FSTL5: variants seen among roughly 807,000 people sequenced by gnomAD.
FSTL5 encodes follistatin-related protein 5.
Under a neutral mutation model 89.1 loss-of-function variants are expected in FSTL5, and 62 were observed. The ratio of observed to expected loss-of-function variants is 0.70; its 90% confidence interval spans 0.57 to 0.86. FSTL5 has a LOEUF of 0.86. Ranked by LOEUF, FSTL5 falls within the 40% of genes least tolerant of loss-of-function variation. The pLI, the probability that FSTL5 is intolerant of heterozygous loss-of-function variation, is 0.00. For missense variants in FSTL5, 1,057 were observed against 1,001.6 expected, an observed-to-expected ratio of 1.06 and a Z score of -0.75; for synonymous variants, 383 against 346.2, an observed-to-expected ratio of 1.11 and a Z score of -1.18.
intron 10 of FSTL5, among the ~76,000 whole-genome samples, chr4:161,535,930 T>C (rs2126536638): frequency 6.6e-6 from 1 of 152,204 alleles, no homozygotes; most frequent in South Asian, 2.1e-4. Flanking sequence ...AATCATAGTC[T>C]TTGAAACAAA....
intron 3 of FSTL5, among the ~76,000 whole-genome samples, chr4:161,972,650 C>T (rs1055844363): frequency 3.3e-5 from 5 of 152,094 alleles, no homozygotes; most frequent in African/African-American, 9.7e-5. Context: ...CCTTCTTTGC[C>T]GGTTGCAGTT....
chr4:161,721,579 G>A (rs1382174884), intron 6 of FSTL5, among the ~76,000 whole-genome samples: 2 of 152,056 alleles, frequency 1.3e-5, no homozygotes, highest in Non-Finnish European at 2.9e-5. Flanking sequence ...TCAGATTGAG[G>A]CAGAAAGTAG....
chr4:161,583,968 C>T (rs1285234385), intron 8 of FSTL5, among the ~76,000 whole-genome samples: 5 of 152,036 alleles, frequency 3.3e-5, no homozygotes, highest in Non-Finnish European at 7.4e-5. Flanking sequence ...ACTTATTTAA[C>T]TTCTTCTCTC....
chr4:161,541,983 G>A (rs1731833256), intron 9 of FSTL5, among the ~76,000 whole-genome samples: 1 of 151,604 alleles, frequency 6.6e-6, no homozygotes, highest in Non-Finnish European at 1.5e-5. Flanking sequence ...ATTTATTCAT[G>A]TCTACACATT....
At chr4:162,065,640 A>C (rs967318662) in intron 2 of FSTL5, among the ~76,000 whole-genome samples, 1 of 152,034 alleles carries the variant, frequency 6.6e-6, no homozygotes, top group Non-Finnish European at 1.5e-5. Context: ...GCCATTATAG[A>C]AAAAGGTGTG....
intron 15 of FSTL5, among the ~76,000 whole-genome samples, chr4:161,389,605 C>A (rs151270983): frequency 6.6e-6 from 1 of 152,178 alleles, no homozygotes; most frequent in East Asian, 1.9e-4. Flanking sequence ...TTTTCATGAT[C>A]CAGATTTTCA....
intron 13 of FSTL5, among the ~76,000 whole-genome samples, chr4:161,467,012 A>T (rs985771145): frequency 6.6e-6 from 1 of 152,122 alleles, no homozygotes; most frequent in Non-Finnish European, 1.5e-5. Context: ...AACATGCAAA[A>T]ATCAGAAATA....
At chr4:161,456,391 T>A (rs906123330) in intron 14 of FSTL5, among the ~76,000 whole-genome samples, 3 of 152,180 alleles carry the variant, frequency 2.0e-5, no homozygotes. Flanking sequence ...CTAGTCTCTA[T>A]TAATTATAAA....
At chr4:161,413,302 C>A (rs1731662216) in intron 15 of FSTL5, among the ~76,000 whole-genome samples, 1 of 109,292 alleles carries the variant, frequency 9.1e-6, no homozygotes, top group African/African-American at 3.5e-5. Flanking sequence ...CACAAGTGGC[C>A]AAGAAGCATA....
chr4:162,113,978 C>A (rs1270958886), intron 1 of FSTL5, among the ~76,000 whole-genome samples: 2 of 151,990 alleles, frequency 1.3e-5, no homozygotes, highest in Non-Finnish European at 2.9e-5. Context: ...TTTTTGTTTT[C>A]TTCAGCATTA....
chr4:161,995,825 C>T (rs565473505), intron 3 of FSTL5, among the ~76,000 whole-genome samples: 1 of 149,446 alleles, frequency 6.7e-6, no homozygotes, highest in African/African-American at 2.5e-5. Flanking sequence ...AATGAAAACA[C>T]ACTGCTTCTC....
intron 4 of FSTL5, among the ~76,000 whole-genome samples, chr4:161,784,303 G>C (rs1349239584): frequency 6.6e-6 from 1 of 152,004 alleles, no homozygotes; most frequent in African/African-American, 2.4e-5. Context: ...GTGCTTTACA[G>C]ACATTGTTAA....
intron 6 of FSTL5, among the ~76,000 whole-genome samples, chr4:161,757,786 T>G (rs1740630106): frequency 6.6e-6 from 1 of 152,018 alleles, no homozygotes; most frequent in South Asian, 2.1e-4. Flanking sequence ...GCCCGACTAA[T>G]TTTTGTATTT....
At chr4:162,032,104 A>G (rs548720839) in intron 3 of FSTL5, among the ~76,000 whole-genome samples, 3 of 152,168 alleles carry the variant, frequency 2.0e-5, no homozygotes, top group African/African-American at 4.8e-5. Context: ...CATAATTTCT[A>G]CTACTTCAGA....
intron 15 of FSTL5, among the ~76,000 whole-genome samples, chr4:161,417,090 ATTAGT>A (rs1293389549): frequency 6.6e-6 from 1 of 152,148 alleles, no homozygotes; most frequent in Non-Finnish European, 1.5e-5. Flanking sequence ...GGTTTATGTC[ATTAGT>A]TTATATGTTA....
At position 161,950,319 on chromosome 4, in the gene FSTL5, G is replaced by C. The variant is rs371770908; in HGVS notation, c.161-29667C>G. ...TAATTCCTGAGGAATTCTATTTGCT[G>C]TCCACTCTTATTCCTCAATTGATGG... is the stretch of plus-strand genomic sequence containing the variant. On this transcript the variant is annotated intron_variant, in intron 3 of 15. Transcript: ENST00000306100. Among the ~76,000 whole-genome samples, 8 of 152,240 alleles carry C rather than the reference G, an allele frequency of 5.3e-5. No homozygotes were observed. The South Asian group carries it at 1.5e-3, about 28-fold the overall frequency.
intron 4 of FSTL5, among the ~76,000 whole-genome samples, chr4:161,842,417 C>T (rs1731238709): frequency 6.6e-6 from 1 of 152,034 alleles, no homozygotes; most frequent in Non-Finnish European, 1.5e-5. Context: ...AACACTTTCA[C>T]CTAAAATAAA....
chr4:161,768,599 T>A (rs376006964), intron 5 of FSTL5, among the ~76,000 whole-genome samples: 79 of 152,144 alleles, frequency 5.2e-4, no homozygotes, highest in African/African-American at 1.6e-3. Flanking sequence ...TTGTGTAATA[T>A]GTAATGTAAA....
At chr4:161,926,945 T>C (rs1366652707) in intron 3 of FSTL5, among the ~76,000 whole-genome samples, 1 of 151,832 alleles carries the variant, frequency 6.6e-6, no homozygotes, top group African/African-American at 2.4e-5. Flanking sequence ...GATTGGTAGA[T>C]ACAGAGACAG....
Sources: allele counts gnomAD v4.1 joint callset (sites outside exome capture counted in the v4.1 genomes callset), GRCh38; gene constraint gnomAD v4.1.1; transcripts MANE v1.5; gene names NCBI Gene and HGNC (gene_info 2026-07-23, HGNC 2026-07-21).